PHACTR1: variants seen among roughly 807,000 people sequenced by gnomAD.
PHACTR1 encodes the protein phosphatase and actin regulator 1.
In PHACTR1, 16 loss-of-function variants were observed where a neutral mutation model predicts 69.2. That is an observed-to-expected ratio of 0.23 (90% CI 0.16 to 0.35). The LOEUF is 0.35. PHACTR1 is among the 10% of genes least tolerant of loss of function. The probability of loss-of-function intolerance (pLI) is 1.00; values close to 1 mark genes in which losing one functional copy is unlikely to be tolerated. For synonymous variants in PHACTR1, 312 were observed against 284.5 expected (o/e 1.10, Z -0.97); for missense variants, 510 against 734.7 (o/e 0.69, Z 3.54).
At chr6:13,141,742 TTG>T (rs1491433623) in intron 5 of PHACTR1, among the ~76,000 whole-genome samples, 7 of 150,576 alleles carry the variant, frequency 4.6e-5, no homozygotes, top group South Asian at 2.1e-4. Context: ...TTTTTTTTTT[TTG>T]TTGTGCTTGT....
chr6:13,176,636 T>G (rs923907042), intron 6 of PHACTR1, among the ~76,000 whole-genome samples: 1 of 152,238 alleles, frequency 6.6e-6, no homozygotes. Context: ...ACTATCCATC[T>G]GGCTTCCCTC....
chr6:12,804,529 TA>T (rs1296947476), intron 4 of PHACTR1, among the ~76,000 whole-genome samples: 2 of 152,228 alleles, frequency 1.3e-5, no homozygotes, highest in Non-Finnish European at 2.9e-5. Context: ...GGGATTTTAT[TA>T]AATATTATTT....
intron 5 of PHACTR1, among the ~76,000 whole-genome samples, chr6:13,110,908 G>A (rs1816932153): frequency 6.6e-6 from 1 of 151,966 alleles, no homozygotes; most frequent in Non-Finnish European, 1.5e-5. Context: ...TGTGCCCTGG[G>A]TTTTTGTTTT....
chr6:13,192,208 C>G (rs917464097), intron 7 of PHACTR1, among the ~76,000 whole-genome samples: 1 of 152,148 alleles, frequency 6.6e-6, no homozygotes, highest in Non-Finnish European at 1.5e-5. Flanking sequence ...AAACATGGCT[C>G]TAAATAAATT....
chr6:13,273,751 G>A (rs1221985135), intron 11 of PHACTR1: 1 of 152,214 alleles, frequency 6.6e-6, no homozygotes, highest in Non-Finnish European at 1.5e-5. Flanking sequence ...CTGGCCTCAA[G>A]ATAGTGAACA....
At chr6:13,020,299 A>G (rs1800784229) in intron 4 of PHACTR1, among the ~76,000 whole-genome samples, 2 of 152,200 alleles carry the variant, frequency 1.3e-5, no homozygotes, top group South Asian at 2.1e-4. Flanking sequence ...TTAGTGTTGT[A>G]TTATTTTTAT....
chr6:12,979,293 T>C (rs951283437), intron 4 of PHACTR1, among the ~76,000 whole-genome samples: 5 of 152,250 alleles, frequency 3.3e-5, no homozygotes, highest in African/African-American at 1.2e-4. Context: ...CTAATCGTTA[T>C]CATAATCATT....
At chr6:12,887,256 G>A (rs749036850) in intron 4 of PHACTR1, among the ~76,000 whole-genome samples, 14 of 152,168 alleles carry the variant, frequency 9.2e-5, no homozygotes, top group Non-Finnish European at 1.9e-4. Flanking sequence ...CTTTGAACAT[G>A]CACCAAAAGG....
intron 4 of PHACTR1, among the ~76,000 whole-genome samples, chr6:12,790,655 G>A (rs976938368): frequency 1.3e-5 from 2 of 152,178 alleles, no homozygotes; most frequent in Non-Finnish European, 2.9e-5. Flanking sequence ...GACTGATCAT[G>A]GCCAATTTAT....
chr6:13,118,008 A>C lies in PHACTR1; in HGVS notation c.416-42196A>C, dbSNP rs547612271. Among the ~76,000 whole-genome samples, 5 of 152,352 alleles carry C rather than the reference A, an allele frequency of 3.3e-5. No homozygotes were observed. The South Asian group carries it at 1.0e-3, about 32-fold the overall frequency. ...AGAATCTCATATTACTTTCCTCCTT[A>C]AATCAATATTTAGTGCTCAATGCTG... is the stretch of plus-strand genomic sequence containing the variant. On this transcript the variant is annotated intron_variant, in intron 5 of 14. Coordinates refer to ENST00000332995, the MANE Select transcript of PHACTR1 (RefSeq NM_030948.6).
rs577063501 is a variant in PHACTR1, at chr6:12,836,263, A to G, written c.250+86473A>G. 2.6e-5 allele frequency among the ~76,000 whole-genome samples: 4 copies of G among 152,264 alleles called. No homozygotes were observed. The South Asian group carries it at 8.3e-4, about 32-fold the overall frequency. On this transcript the variant is annotated intron_variant, in intron 4 of 14. Coordinates refer to ENST00000332995, the MANE Select transcript of PHACTR1 (RefSeq NM_030948.6). ...CTGTCTCCCTCTTCTCTCTCCTGCC[A>G]ACTCTGTTTCTTTTTTCAGTTTCAA...
Position 12,851,688 on chromosome 6 carries a change from T to C in PHACTR1, c.250+101898T>C, listed in dbSNP as rs6901127. Among the ~76,000 whole-genome samples the C allele has an allele frequency of 9.1e-4, 139 of 152,310 alleles. 1 individual carries two copies. The highest frequency in any genetic ancestry group is 3.2e-3 in the African/African-American group (135 of 41,568). On this transcript the variant is annotated intron_variant, in intron 4 of 14. Coordinates refer to ENST00000332995, the MANE Select transcript of PHACTR1 (RefSeq NM_030948.6). ...TAGATTCTACATATTCTAAAGCAGT[T>C]GGAATTTTAAACTCTGAATTTTCCT...
At chr6:12,853,285 C>T (rs926026003) in intron 4 of PHACTR1, among the ~76,000 whole-genome samples, 2 of 152,150 alleles carry the variant, frequency 1.3e-5, no homozygotes, top group African/African-American at 4.8e-5. Flanking sequence ...CCCTTGCAGA[C>T]TTTTTTTCTT....
intron 4 of PHACTR1, among the ~76,000 whole-genome samples, chr6:13,007,678 T>G (rs891984428): frequency 4.2e-5 from 3 of 71,006 alleles, no homozygotes; most frequent in African/African-American, 1.6e-4. Flanking sequence ...TTTTTTTTTT[T>G]GAACTTAAGA....
At chr6:13,010,134 A>AT (rs894250893) in intron 4 of PHACTR1, among the ~76,000 whole-genome samples, 284 of 148,636 alleles carry the variant, frequency 1.9e-3, no homozygotes, top group African/African-American at 6.3e-3. Flanking sequence ...TTTCCTATTA[A>AT]TTTTTTTTTT....
chr6:12,859,174 T>C (rs1780694757), intron 4 of PHACTR1, among the ~76,000 whole-genome samples: 1 of 152,218 alleles, frequency 6.6e-6, no homozygotes, highest in South Asian at 2.1e-4. Flanking sequence ...TAATAGGATG[T>C]GGCAAGAAAC....
At chr6:13,276,644 C>T (rs1464478695) in intron 11 of PHACTR1, among the ~76,000 whole-genome samples, 3 of 152,022 alleles carry the variant, frequency 2.0e-5, no homozygotes, top group Non-Finnish European at 4.4e-5. Flanking sequence ...TGGTGGTGGG[C>T]ACCTGTAATC....
intron 5 of PHACTR1, among the ~76,000 whole-genome samples, chr6:13,061,856 A>G (rs1807727142): frequency 6.6e-6 from 1 of 152,200 alleles, no homozygotes. Context: ...ATTTTTAAGC[A>G]ATAAAGTACT....
At chr6:13,158,421 T>C (rs548475957) in intron 5 of PHACTR1, among the ~76,000 whole-genome samples, 4 of 152,336 alleles carry the variant, frequency 2.6e-5, no homozygotes, top group African/African-American at 9.6e-5. Context: ...CCGTCACTTC[T>C]GTGGGTACAG....
Sources: allele counts gnomAD v4.1 joint callset (sites outside exome capture counted in the v4.1 genomes callset), GRCh38; gene constraint gnomAD v4.1.1; transcripts MANE v1.5; gene names NCBI Gene and HGNC (gene_info 2026-07-23, HGNC 2026-07-21).